CSMD3: variants seen among roughly 807,000 people sequenced by gnomAD.
CSMD3 encodes the protein CUB and Sushi multiple domains 3.
CSMD3 carries 177 observed loss-of-function variants against 435.2 expected under a neutral mutation model. The observed-to-expected ratio is 0.41, with a 90% CI of 0.36 to 0.46. CSMD3 has a LOEUF of 0.46. Among genes scored for constraint, CSMD3 ranks in the 20% least tolerant of loss-of-function variants. CSMD3 has a pLI of 0.34. For missense variants in CSMD3, 4,265 were observed against 4,504.6 expected, an observed-to-expected ratio of 0.95 and a Z score of 1.52; for synonymous variants, 1,656 against 1,520.5, an observed-to-expected ratio of 1.09 and a Z score of -2.07.
intron 13 of CSMD3, among the ~76,000 whole-genome samples, chr8:112,736,546 A>T (rs374184086): frequency 1.8e-4 from 27 of 152,142 alleles, no homozygotes; most frequent in African/African-American, 6.5e-4. Flanking sequence ...ATGCTCACTC[A>T]TGCTTCAGGA....
intron 6 of CSMD3, among the ~76,000 whole-genome samples, chr8:112,994,865 T>C (rs879865483): frequency 3.3e-5 from 5 of 151,592 alleles, no homozygotes; most frequent in Non-Finnish European, 7.4e-5. Context: ...CAATTAAAAA[T>C]GATAGAATGA....
At chr8:112,482,690 C>T (rs1586470593) in intron 31 of CSMD3, among the ~76,000 whole-genome samples, 3 of 151,802 alleles carry the variant, frequency 2.0e-5, no homozygotes, top group Non-Finnish European at 4.4e-5. Flanking sequence ...ATGATGAAAA[C>T]CTTTTACTAT....
At chr8:113,298,198 A>C (rs1414507780) in intron 2 of CSMD3, among the ~76,000 whole-genome samples, 1 of 152,236 alleles carries the variant, frequency 6.6e-6, no homozygotes, top group East Asian at 1.9e-4. Context: ...TTGAAAAATA[A>C]AAATGAAGAT....
intron 16 of CSMD3, among the ~76,000 whole-genome samples, chr8:112,667,044 A>C (rs1296569590): frequency 1.3e-5 from 2 of 152,086 alleles, no homozygotes; most frequent in African/African-American, 4.8e-5. Flanking sequence ...TATCATTTCA[A>C]ATATTGTATC....
chr8:112,871,564 A>G (rs1484191240), intron 10 of CSMD3, among the ~76,000 whole-genome samples: 1 of 152,148 alleles, frequency 6.6e-6, no homozygotes, highest in Admixed American at 6.5e-5. Context: ...ATGGACGTGC[A>G]TAGCAATTGT....
At chr8:112,356,313 T>G in intron 38 of CSMD3, among the ~76,000 whole-genome samples, 1 of 152,208 alleles carries the variant, frequency 6.6e-6, no homozygotes, top group Admixed American at 6.5e-5. Flanking sequence ...AGCCATTAAA[T>G]AATATGCAGC....
At chr8:112,862,197 T>C (rs980978740) in intron 10 of CSMD3, among the ~76,000 whole-genome samples, 8 of 152,040 alleles carry the variant, frequency 5.3e-5, no homozygotes, top group African/African-American at 1.9e-4. Flanking sequence ...CATCCAAACC[T>C]GACAGTAACC....
At chr8:112,564,366 C>T (rs887708198) in intron 24 of CSMD3, among the ~76,000 whole-genome samples, 22 of 149,718 alleles carry the variant, frequency 1.5e-4, no homozygotes, top group African/African-American at 5.4e-4. Flanking sequence ...CCCCTCCCTT[C>T]TCCCTTCCCC....
rs539855866 is a variant in CSMD3, at chr8:113,193,236, T to C, written c.515-19320A>G. Among the ~76,000 whole-genome samples the C allele has an allele frequency of 2.6e-5, 4 of 151,396 alleles. No homozygotes were observed. The Admixed American group carries it at 2.7e-4, about 10-fold the overall frequency. Reference sequence around the variant, plus strand: ...TATCTGAGACCTACTATTCAGAGACTGTTTTACCACATTCAGAGACAAGAC... The same window carrying C: ...TATCTGAGACCTACTATTCAGAGACCGTTTTACCACATTCAGAGACAAGAC... On this transcript the variant is annotated intron_variant, in intron 3 of 70. Coordinates refer to ENST00000297405, the MANE Select transcript of CSMD3 (RefSeq NM_198123.2).
intron 3 of CSMD3, among the ~76,000 whole-genome samples, chr8:113,244,605 C>T (rs765846186): frequency 2.7e-4 from 41 of 152,100 alleles, no homozygotes; most frequent in Non-Finnish European, 4.7e-4. Flanking sequence ...TGAGCCACCG[C>T]GCCTGGCCTA....
intron 4 of CSMD3, among the ~76,000 whole-genome samples, chr8:113,124,604 T>A (rs2091075815): frequency 6.6e-6 from 1 of 152,056 alleles, no homozygotes; most frequent in Non-Finnish European, 1.5e-5. Flanking sequence ...TGGTGATATG[T>A]TGGATAAATG....
At chr8:112,654,680 T>A (rs1191058496) in intron 18 of CSMD3, among the ~76,000 whole-genome samples, 1 of 152,220 alleles carries the variant, frequency 6.6e-6, no homozygotes, top group Non-Finnish European at 1.5e-5. Context: ...TATCATTTAT[T>A]GAGAACATAC....
intron 2 of CSMD3, among the ~76,000 whole-genome samples, chr8:113,279,083 G>A (rs1205372602): frequency 6.6e-6 from 1 of 151,132 alleles, no homozygotes; most frequent in Non-Finnish European, 1.5e-5. Flanking sequence ...AAGTTACCAA[G>A]ACTGCTGTTG....
chr8:112,636,317 T>A (rs1253734615), intron 22 of CSMD3, among the ~76,000 whole-genome samples: 1 of 152,122 alleles, frequency 6.6e-6, no homozygotes, highest in Non-Finnish European at 1.5e-5. Flanking sequence ...GCCCTTAAAT[T>A]AGTTACCTAT....
chr8:113,359,891 T>G (rs1319028393), intron 1 of CSMD3, among the ~76,000 whole-genome samples: 1 of 152,116 alleles, frequency 6.6e-6, no homozygotes, highest in Non-Finnish European at 1.5e-5. Context: ...AATTTTGAAA[T>G]CAAACATGTG....
At chr8:112,734,280 A>G (rs1161445434) in intron 13 of CSMD3, among the ~76,000 whole-genome samples, 3 of 151,574 alleles carry the variant, frequency 2.0e-5, no homozygotes, top group Non-Finnish European at 4.4e-5. Flanking sequence ...AGAGGAAGGG[A>G]GAGAGAGAGA....
At chr8:112,551,985 G>A (rs1827725087) in intron 26 of CSMD3, among the ~76,000 whole-genome samples, 2 of 152,042 alleles carry the variant, frequency 1.3e-5, no homozygotes, top group Admixed American at 1.3e-4. Flanking sequence ...GTTGATTTGA[G>A]ATAATGACTC....
At chr8:113,068,557 T>C (rs2088962660) in intron 5 of CSMD3, among the ~76,000 whole-genome samples, 2 of 152,124 alleles carry the variant, frequency 1.3e-5, no homozygotes, top group Admixed American at 1.3e-4. Context: ...CAATCATCTT[T>C]GTGTACCTGG....
At chr8:112,869,668 G>T (rs1433578760) in intron 10 of CSMD3, among the ~76,000 whole-genome samples, 1 of 151,534 alleles carries the variant, frequency 6.6e-6, no homozygotes, top group East Asian at 2.0e-4. Flanking sequence ...TAAAGAAAAT[G>T]TTGCAAATAT....
Sources: allele counts gnomAD v4.1 joint callset (sites outside exome capture counted in the v4.1 genomes callset), GRCh38; gene constraint gnomAD v4.1.1; transcripts MANE v1.5; gene names NCBI Gene and HGNC (gene_info 2026-07-23, HGNC 2026-07-21).